SBF2: variants seen among roughly 807,000 people sequenced by gnomAD.
SBF2 encodes the protein SET binding factor 2, also known as myotubularin-related protein 13.
A neutral mutation model predicts 225.2 loss-of-function variants in SBF2; 112 were observed. That is an observed-to-expected ratio of 0.50 (90% CI 0.43 to 0.58). The LOEUF is 0.58. Ranked by LOEUF, SBF2 falls within the 20% of genes least tolerant of loss-of-function variation. The pLI is 0.00. For synonymous variants in SBF2, 763 were observed against 773.3 expected (o/e 0.99, Z 0.22); for missense variants, 1,996 against 2,206.2 (o/e 0.90, Z 1.91).
At chr11:10,121,749 C>T (rs1182790070) in intron 2 of SBF2, among the ~76,000 whole-genome samples, 3 of 152,212 alleles carry the variant, frequency 2.0e-5, no homozygotes, top group Non-Finnish European at 2.9e-5. Context: ...TCTGTGCCTT[C>T]AGATCTGAAA....
intron 16 of SBF2, among the ~76,000 whole-genome samples, chr11:9,919,230 C>T (rs1863377868): frequency 6.6e-6 from 1 of 151,128 alleles, no homozygotes; most frequent in Non-Finnish European, 1.5e-5. Context: ...GATTTTCCAT[C>T]AAGATTTGAA....
At chr11:9,978,233 T>A (rs1197341654) in intron 13 of SBF2, among the ~76,000 whole-genome samples, 1 of 152,228 alleles carries the variant, frequency 6.6e-6, no homozygotes, top group Non-Finnish European at 1.5e-5. Context: ...TTCTGTTTTT[T>A]AACTTTATAA....
intron 14 of SBF2, among the ~76,000 whole-genome samples, chr11:9,965,872 G>C (rs1866874541): frequency 6.6e-6 from 1 of 152,030 alleles, no homozygotes; most frequent in Non-Finnish European, 1.5e-5. Flanking sequence ...ATTCATAATT[G>C]TGGGCTCTGG....
chr11:10,191,799 T>C (rs1469975401), intron 2 of SBF2, among the ~76,000 whole-genome samples: 3 of 152,190 alleles, frequency 2.0e-5, no homozygotes, highest in Non-Finnish European at 4.4e-5. Context: ...GTAAAATCAG[T>C]ATGTTTCTCT....
intron 1 of SBF2, among the ~76,000 whole-genome samples, chr11:10,289,425 G>A (rs1439673934): frequency 2.6e-5 from 4 of 152,144 alleles, no homozygotes; most frequent in African/African-American, 7.2e-5. Flanking sequence ...TCCGTGGAGT[G>A]TGCAGCCCTA....
intron 6 of SBF2, among the ~76,000 whole-genome samples, chr11:10,012,699 TTGAA>T (rs763776670): frequency 2.0e-5 from 3 of 152,202 alleles, no homozygotes; most frequent in Non-Finnish European, 4.4e-5. Flanking sequence ...ACTTCACTGT[TTGAA>T]TGCCTCTTGC....
At chr11:9,924,507 C>T (rs1432654721) in intron 16 of SBF2, among the ~76,000 whole-genome samples, 6 of 152,174 alleles carry the variant, frequency 3.9e-5, no homozygotes, top group East Asian at 1.9e-4. Context: ...TCTCCGCTCA[C>T]GGCAACCTCT....
chr11:10,238,541 C>T (rs1959167253), intron 1 of SBF2, among the ~76,000 whole-genome samples: 1 of 136,420 alleles, frequency 7.3e-6, no homozygotes, highest in African/African-American at 2.5e-5. Context: ...AGAAGATTAA[C>T]ATTTTCTTAT....
intron 2 of SBF2, among the ~76,000 whole-genome samples, chr11:10,062,727 T>C (rs1325872521): frequency 1.3e-5 from 2 of 152,220 alleles, no homozygotes; most frequent in Non-Finnish European, 2.9e-5. Context: ...AGAACCCTTA[T>C]ACACTGTTGG....
chr11:9,962,215 G>T, intron 15 of SBF2, 109 bp from the exon 16 acceptor site: 2 of 947,996 alleles, frequency 2.1e-6, no homozygotes, highest in Non-Finnish European at 3.3e-6. Context: ...ATTTAACATA[G>T]TTATTAGTAA....
At chr11:10,231,193 T>C (rs924138508) in intron 1 of SBF2, among the ~76,000 whole-genome samples, 8 of 152,196 alleles carry the variant, frequency 5.3e-5, no homozygotes, top group Non-Finnish European at 7.3e-5. Flanking sequence ...GTATTGGTTA[T>C]TCTAGTTAGC....
chr11:9,930,018 C>T (rs972916162), intron 16 of SBF2, among the ~76,000 whole-genome samples: 12 of 151,978 alleles, frequency 7.9e-5, no homozygotes, highest in African/African-American at 2.4e-4. Flanking sequence ...GAGAGCATTA[C>T]GGAAAAGAGC....
At chr11:10,001,311 T>G (rs1472971991) in intron 7 of SBF2, among the ~76,000 whole-genome samples, 1 of 152,108 alleles carries the variant, frequency 6.6e-6, no homozygotes, top group Non-Finnish European at 1.5e-5. Flanking sequence ...TTGAAAGCAT[T>G]TTTCCTTACA....
At chr11:9,872,442 C>G (rs1858856104) in intron 17 of SBF2, among the ~76,000 whole-genome samples, 1 of 152,018 alleles carries the variant, frequency 6.6e-6, no homozygotes, top group Admixed American at 6.6e-5. Flanking sequence ...GCATGTACCC[C>G]TGGACTTAAA....
chr11:10,210,447 T>A (rs1292446563), intron 1 of SBF2, among the ~76,000 whole-genome samples: 2 of 151,056 alleles, frequency 1.3e-5, no homozygotes, highest in Non-Finnish European at 3.0e-5. Context: ...TTCACTTACA[T>A]ATCACTTGCC....
intron 14 of SBF2, among the ~76,000 whole-genome samples, chr11:9,967,967 CTCTCTATATATATA>C (rs1248227101): frequency 7.7e-5 from 7 of 90,674 alleles, no homozygotes; most frequent in South Asian, 7.3e-4. Context: ...CTCTCTCTCT[CTCTCTATATATATA>C]TATATATATA....
At chr11:10,060,807 T>A (rs374859099) in intron 2 of SBF2, among the ~76,000 whole-genome samples, 14 of 152,184 alleles carry the variant, frequency 9.2e-5, no homozygotes, top group African/African-American at 3.4e-4. Context: ...GGCAGGAGGA[T>A]CACGAGGTTA....
At chr11:10,047,761 A>G (rs192352993) in intron 2 of SBF2, among the ~76,000 whole-genome samples, 144 of 152,332 alleles carry the variant, frequency 9.5e-4, no homozygotes, top group Admixed American at 2.8e-3. Context: ...GTTTCTCTAG[A>G]GAAAGGCTTA....
intron 2 of SBF2, among the ~76,000 whole-genome samples, chr11:10,063,850 CACACACACAG>C (rs1457300932): frequency 7.4e-6 from 1 of 134,636 alleles, no homozygotes; most frequent in Admixed American, 7.7e-5. Flanking sequence ...CACACACACA[CACACACACAG>C]AGAGAGAGAG....
Sources: gnomAD v4.1 joint callset for allele counts (sites outside exome capture counted in the v4.1 genomes callset) on GRCh38, gnomAD v4.1.1 for gene constraint, MANE v1.5 for transcripts, NCBI Gene and HGNC (gene_info 2026-07-23, HGNC 2026-07-21) for gene names.